The following DLGAP2 variants were observed in gnomAD, a reference collection of about 807,000 sequenced individuals.
The protein encoded by DLGAP2 is disks large-associated protein 2.
In DLGAP2, 26 loss-of-function variants were observed where a neutral mutation model predicts 100.3. That is an observed-to-expected ratio of 0.26 (90% CI 0.19 to 0.36). DLGAP2 has a LOEUF of 0.36. Ranked by LOEUF, DLGAP2 falls within the 10% of genes least tolerant of loss-of-function variation. The pLI is 1.00. For synonymous variants in DLGAP2, 886 were observed against 630.1 expected (o/e 1.41, Z -6.08); for missense variants, 1,858 against 1,453.2 (o/e 1.28, Z -4.53).
At chr8:1,123,886 C>G (rs1796106372) in intron 2 of DLGAP2, among the ~76,000 whole-genome samples, 1 of 152,110 alleles carries the variant, frequency 6.6e-6, no homozygotes, top group Non-Finnish European at 1.5e-5. Flanking sequence ...TTTTATTTTT[C>G]AGAAGAATTT....
Position 833,950 on chromosome 8 carries a change from G to T in DLGAP2, c.19-73962G>T, listed in dbSNP as rs192465943. Among the ~76,000 whole-genome samples, 9 of 152,350 alleles carry T rather than the reference G, an allele frequency of 5.9e-5. No homozygotes were observed. The East Asian group carries it at 1.7e-3, about 29-fold the overall frequency. ...TATTTATGGAGCTGGTGGCTCCTCA[G>T]TGGGACGAGAATTCGTGCCTTTTCA... On this transcript the variant is annotated intron_variant, in intron 1 of 14. Transcript: ENST00000637795.
intron 1 of DLGAP2, among the ~76,000 whole-genome samples, chr8:899,475 A>G (rs1034862573): frequency 2.6e-5 from 4 of 152,240 alleles, no homozygotes; most frequent in African/African-American, 9.6e-5. Context: ...CACGGGGTAC[A>G]TGACTGGCCT....
At chr8:1,246,949 A>G (rs62487837) in intron 2 of DLGAP2, 5,678 of 34,340 alleles carry the variant, frequency 0.17, 373 homozygotes, top group East Asian at 0.2. Context: ...GTCGGTGGCC[A>G]GGAACACCTT....
At chr8:1,332,256 GTA>G (rs756246869) in intron 3 of DLGAP2, among the ~76,000 whole-genome samples, 7 of 152,148 alleles carry the variant, frequency 4.6e-5, no homozygotes, top group East Asian at 1.9e-4. Flanking sequence ...ATATGCATGT[GTA>G]TATGTGTTTA....
intron 6 of DLGAP2, among the ~76,000 whole-genome samples, chr8:1,581,797 C>G (rs1034823902): frequency 6.6e-5 from 10 of 150,522 alleles, no homozygotes; most frequent in Middle Eastern, 3.3e-3. Context: ...CAGACAAACC[C>G]CCACACACGT....
chr8:1,128,066 A>G (rs986343973), intron 2 of DLGAP2, among the ~76,000 whole-genome samples: 13 of 152,144 alleles, frequency 8.5e-5, no homozygotes, highest in African/African-American at 3.1e-4. Flanking sequence ...GTTGTGCACC[A>G]TATCCCGGTG....
At chr8:1,638,508 G>C (rs1423920139) in intron 8 of DLGAP2, among the ~76,000 whole-genome samples, 1 of 152,144 alleles carries the variant, frequency 6.6e-6, no homozygotes, top group Non-Finnish European at 1.5e-5. Context: ...GGGGGCCAGA[G>C]TCATGTTATA....
chr8:801,173 C>G (rs1213953958), intron 1 of DLGAP2, among the ~76,000 whole-genome samples: 1 of 152,232 alleles, frequency 6.6e-6, no homozygotes, highest in Non-Finnish European at 1.5e-5. Flanking sequence ...TCACAGAGTA[C>G]TGGGTGCACC....
intron 8 of DLGAP2, among the ~76,000 whole-genome samples, chr8:1,635,857 G>A (rs190843886): frequency 6.6e-6 from 1 of 152,222 alleles, no homozygotes; most frequent in Admixed American, 6.5e-5. Context: ...GAGGACGTCT[G>A]TTGGTTTGGG....
At chr8:997,561 G>A (rs1028926094) in intron 2 of DLGAP2, among the ~76,000 whole-genome samples, 1 of 151,668 alleles carries the variant, frequency 6.6e-6, no homozygotes, top group Non-Finnish European at 1.5e-5. Context: ...GATACTCTGT[G>A]GTATTTTAAA....
chr8:926,828 C>T (rs1371970821), intron 2 of DLGAP2, among the ~76,000 whole-genome samples: 1 of 152,272 alleles, frequency 6.6e-6, no homozygotes, highest in Non-Finnish European at 1.5e-5. Context: ...CCTCCTCCGG[C>T]AAGGACGGCT....
intron 3 of DLGAP2, among the ~76,000 whole-genome samples, chr8:1,476,437 G>C (rs568274358): frequency 6.6e-6 from 1 of 152,258 alleles, no homozygotes; most frequent in African/African-American, 2.4e-5. Context: ...GGCGTCACCT[G>C]TTCCTTCCTG....
intron 3 of DLGAP2, among the ~76,000 whole-genome samples, chr8:1,373,046 C>G (rs1202668983): frequency 6.6e-6 from 1 of 152,198 alleles, no homozygotes; most frequent in Admixed American, 6.5e-5. Flanking sequence ...CCACGTTCCT[C>G]CTGTTGTTTC....
chr8:994,453 G>C (rs1010097022), intron 2 of DLGAP2, among the ~76,000 whole-genome samples: 1 of 152,200 alleles, frequency 6.6e-6, no homozygotes, highest in Admixed American at 6.5e-5. Context: ...GTCTGCCTCA[G>C]CCTCCCAAAG....
intron 12 of DLGAP2, among the ~76,000 whole-genome samples, chr8:1,679,595 G>C (rs190467143): frequency 6.6e-6 from 1 of 152,214 alleles, no homozygotes; most frequent in Non-Finnish European, 1.5e-5. Flanking sequence ...TCCCAGTCCC[G>C]TTGGTACTCA....
chr8:1,514,749 A>G (rs1333669368), intron 4 of DLGAP2, among the ~76,000 whole-genome samples: 1 of 152,200 alleles, frequency 6.6e-6, no homozygotes, highest in African/African-American at 2.4e-5. Context: ...CTGCAGGTGG[A>G]GGCCCAAGCT....
chr8:1,648,686 G>A (rs532062040), intron 8 of DLGAP2, among the ~76,000 whole-genome samples: 22 of 152,176 alleles, frequency 1.4e-4, no homozygotes, highest in African/African-American at 3.9e-4. Flanking sequence ...TCAGAGACCC[G>A]CAGGTCCCCT....
chr8:1,637,420 G>C (rs1225192666), intron 8 of DLGAP2, among the ~76,000 whole-genome samples: 1 of 152,026 alleles, frequency 6.6e-6, no homozygotes, highest in African/African-American at 2.4e-5. Flanking sequence ...CTGTTGCGCG[G>C]GGCTCTCAGA....
chr8:1,036,922 C>T (rs577838077), intron 2 of DLGAP2, among the ~76,000 whole-genome samples: 3 of 152,194 alleles, frequency 2.0e-5, no homozygotes, highest in Non-Finnish European at 2.9e-5. Flanking sequence ...GTGTGACCCC[C>T]TCCCGGCACA....
Sources: allele counts gnomAD v4.1 joint callset (sites outside exome capture counted in the v4.1 genomes callset), GRCh38; gene constraint gnomAD v4.1.1; transcripts MANE v1.5; gene names NCBI Gene and HGNC (gene_info 2026-07-23, HGNC 2026-07-21).